The following FMN1 variants were observed in gnomAD, a reference collection of about 807,000 sequenced individuals.
The protein encoded by FMN1 is formin 1.
A neutral mutation model predicts 132.4 loss-of-function variants in FMN1; 110 were observed. That is an observed-to-expected ratio of 0.83 (90% CI 0.71 to 0.97). The LOEUF (loss-of-function observed/expected upper bound fraction) is 0.97. Among genes scored for constraint, FMN1 ranks in the 50% least tolerant of loss-of-function variants. FMN1 has a pLI of 0.00. For missense variants in FMN1, 1,792 were observed against 1,705.3 expected (o/e 1.05, Z -0.90); for synonymous variants, 722 against 651.7 (o/e 1.11, Z -1.64).
intron 17 of FMN1, among the ~76,000 whole-genome samples, chr15:32,819,117 C>T (rs2058137120): frequency 6.6e-6 from 1 of 152,108 alleles, no homozygotes; most frequent in South Asian, 2.1e-4. Context: ...TGAAGAAGAA[C>T]CCCACATGTT....
intron 9 of FMN1, among the ~76,000 whole-genome samples, chr15:32,951,072 A>C (rs938428892): frequency 6.6e-6 from 1 of 152,102 alleles, no homozygotes; most frequent in African/African-American, 2.4e-5. Flanking sequence ...ATGAAAGTTA[A>C]TGCAGTCTAT....
At chr15:32,967,081 A>C (rs976832104) in intron 8 of FMN1, among the ~76,000 whole-genome samples, 2 of 152,228 alleles carry the variant, frequency 1.3e-5, no homozygotes, top group Non-Finnish European at 2.9e-5. Flanking sequence ...TGTCCTATTC[A>C]TCTACTTTTC....
chr15:33,103,483 T>C (rs1400343042), intron 4 of FMN1, among the ~76,000 whole-genome samples: 1 of 152,122 alleles, frequency 6.6e-6, no homozygotes, highest in African/African-American at 2.4e-5. Context: ...CAGTGCTGAA[T>C]TAGACCCTGT....
chr15:32,798,820 T>G lies in FMN1; in HGVS notation c.4114A>C (p.Asn1372His), dbSNP rs751888525. 6.2e-7 allele frequency: 1 copy of G among 1,612,790 alleles called. No homozygotes were observed. Among genetic ancestry groups the G allele is most frequent in the South Asian group, 1.1e-5 (1 of 90,668 alleles). The change falls in exon 19 of 21, where the codon AAC (asparagine) becomes CAC (histidine). Residue 1372 changes from asparagine to histidine, a missense_variant. Asn to His is a moderately conservative substitution (Grantham distance 68). Coordinates refer to ENST00000616417, the MANE Select transcript of FMN1 (RefSeq NM_001277313.2). The stretch of plus-strand genomic sequence containing the variant: ...GAACCTTACCTTTCTTTAGATATGT[T>G]TTTACTCTCCCGTTTCCAAATTGTC... ...FKTIWKRESK[N>H]ISKERLKMAQ...
intron 6 of FMN1, among the ~76,000 whole-genome samples, chr15:33,025,037 TTTA>T (rs1233361521): frequency 1.9e-4 from 29 of 152,212 alleles, no homozygotes; most frequent in Middle Eastern, 3.2e-3. Flanking sequence ...GTTTTGAGAC[TTTA>T]TACATTATTG....
rs1051490263 is a variant in FMN1 at position 33,153,127 on chromosome 15, C to T, written c.1788G>A (p.Arg596=). 9.8e-6 allele frequency: 15 copies of T among 1,535,982 alleles called. No individual in the cohort carries two copies. The African/African-American group carries it at 1.4e-4, about 14-fold the overall frequency. The change falls in exon 4 of 21, where the codon CGG becomes CGA. Residue 596 remains arginine, a synonymous_variant. Transcript: ENST00000616417. ...TTTCCAAAGTTTCCCCAGGCACCAACCGAGGTTGGCCTGCTCTGAGGAAGG... is the reference window on the plus strand; with the variant it reads ...TTTCCAAAGTTTCCCCAGGCACCAATCGAGGTTGGCCTGCTCTGAGGAAGG... ...SPAFLRAGQP[R]LVPGETLEKS...
intron 7 of FMN1, among the ~76,000 whole-genome samples, chr15:32,991,203 G>A (rs949789563): frequency 2.6e-5 from 4 of 152,128 alleles, no homozygotes; most frequent in Admixed American, 6.6e-5. Flanking sequence ...GGTTTCAGAA[G>A]AAATGCCACC....
At chr15:33,049,215 G>A (rs566256056) in intron 6 of FMN1, among the ~76,000 whole-genome samples, 1 of 152,114 alleles carries the variant, frequency 6.6e-6, no homozygotes, top group East Asian at 1.9e-4. Flanking sequence ...CCAGAAAGGG[G>A]GAATTTTTTT....
chr15:33,000,606 C>G (rs2034045574), intron 7 of FMN1, among the ~76,000 whole-genome samples: 1 of 152,082 alleles, frequency 6.6e-6, no homozygotes, highest in Non-Finnish European at 1.5e-5. Context: ...CATGGAGAAA[C>G]TCCATCTTTA....
chr15:32,933,915 CTTTT>C (rs1227121397), intron 9 of FMN1, among the ~76,000 whole-genome samples: 3 of 152,134 alleles, frequency 2.0e-5, no homozygotes, highest in African/African-American at 7.2e-5. Flanking sequence ...ATAGTTCCAT[CTTTT>C]TTTATCCATT....
chr15:32,874,518 A>G lies in FMN1; in HGVS notation c.3835+13654T>C, dbSNP rs2141394812. Among the ~76,000 whole-genome samples the G allele has an allele frequency of 2.0e-5, 3 of 152,308 alleles. 1 individual carries two copies. In the South Asian group the frequency reaches 6.2e-4, roughly 32 times the overall value. ...ATCACAGTCAGGAAGGGCTTTGCAGATGTTTTTATGAATCTTCAGAACAGC... is the reference window on the plus strand; with the variant it reads ...ATCACAGTCAGGAAGGGCTTTGCAGGTGTTTTTATGAATCTTCAGAACAGC... On this transcript the variant is annotated intron_variant, in intron 16 of 20. Transcript: ENST00000616417.
intron 2 of FMN1, among the ~76,000 whole-genome samples, chr15:33,191,842 C>A (rs560877888): frequency 6.6e-6 from 1 of 152,350 alleles, no homozygotes; most frequent in South Asian, 2.1e-4. Context: ...CAGGAGAATA[C>A]AATTCCCATG....
chr15:33,035,434 A>G (rs1274335981), intron 6 of FMN1, among the ~76,000 whole-genome samples: 1 of 152,184 alleles, frequency 6.6e-6, no homozygotes, highest in African/African-American at 2.4e-5. Context: ...ATCCCAGATA[A>G]AGAACATCTG....
intron 17 of FMN1, among the ~76,000 whole-genome samples, chr15:32,840,026 T>C (rs2141207838): frequency 6.6e-6 from 1 of 152,310 alleles, no homozygotes; most frequent in East Asian, 1.9e-4. Context: ...GAAACTAGCG[T>C]TGAACAAACC....
intron 3 of FMN1, among the ~76,000 whole-genome samples, chr15:33,176,008 G>A (rs1965500453): frequency 6.6e-6 from 1 of 152,184 alleles, no homozygotes; most frequent in African/African-American, 2.4e-5. Flanking sequence ...TGTGAATTTT[G>A]CTGAAGAAAG....
At chr15:33,070,308 G>T (rs377725275) in intron 5 of FMN1, among the ~76,000 whole-genome samples, 15 of 151,182 alleles carry the variant, frequency 9.9e-5, no homozygotes, top group African/African-American at 2.7e-4. Context: ...CCCGGCCTAA[G>T]ATCAGTCTTC....
At chr15:32,966,325 C>T (rs1596360566) in intron 8 of FMN1, among the ~76,000 whole-genome samples, 1 of 152,164 alleles carries the variant, frequency 6.6e-6, no homozygotes. Flanking sequence ...AAGGTATTTC[C>T]AATACTGAAT....
intron 5 of FMN1, among the ~76,000 whole-genome samples, chr15:33,069,993 C>CTCTTTTTTTTTTTTTT (rs398026774): frequency 4.0e-5 from 3 of 74,292 alleles, no homozygotes; most frequent in African/African-American, 5.3e-5. Flanking sequence ...CAGTCTTTCT[C>CTCTTTTTTTTTTTTTT]TTTTTTTTTT....
intron 4 of FMN1, among the ~76,000 whole-genome samples, chr15:33,096,375 T>TAC (rs1026238401): frequency 3.3e-5 from 5 of 152,188 alleles, no homozygotes; most frequent in African/African-American, 1.2e-4. Context: ...GTCTGGATAT[T>TAC]ACCTTGATTG....
Sources: gnomAD v4.1 joint callset for allele counts (sites outside exome capture counted in the v4.1 genomes callset) on GRCh38, gnomAD v4.1.1 for gene constraint, MANE v1.5 for transcripts, NCBI Gene and HGNC (gene_info 2026-07-23, HGNC 2026-07-21) for gene names.